Variants in LAMA2 observed in about 807,000 individuals in gnomAD.
LAMA2 encodes laminin subunit alpha-2.
Under a neutral mutation model 364.8 loss-of-function variants are expected in LAMA2, and 269 were observed. The observed-to-expected ratio is 0.74, with a 90% CI of 0.67 to 0.82. The LOEUF (loss-of-function observed/expected upper bound fraction) is 0.82, where lower values mean the gene tolerates loss of function less well. LAMA2 is among the 40% of genes least tolerant of loss of function. LAMA2 has a pLI of 0.00. For missense variants in LAMA2, 3,807 were observed against 3,873.2 expected (o/e 0.98, Z 0.45); for synonymous variants, 1,379 against 1,370.6 (o/e 1.01, Z -0.14).
intron 40 of LAMA2, among the ~76,000 whole-genome samples, chr6:129,407,007 G>A (rs1198547062): frequency 6.6e-6 from 1 of 152,142 alleles, no homozygotes; most frequent in Non-Finnish European, 1.5e-5. Context: ...TGATGTTCAA[G>A]GGCAGGAAGT....
At chr6:129,048,535 TCCTTCCTTTCTTTCTTTC>T (rs770012434) in intron 1 of LAMA2, among the ~76,000 whole-genome samples, 2 of 80,148 alleles carry the variant, frequency 2.5e-5, no homozygotes, top group Admixed American at 1.4e-4. Context: ...CTTCCTTCCT[TCCTTCCTTTCTTTCTTTC>T]TCTCTCTCTC....
chr6:129,503,268 C>T lies in LAMA2; in HGVS notation c.8535C>T (p.Gly2845=). The T allele has an allele frequency of 6.2e-7, 1 of 1,613,528 alleles. No homozygotes were observed. The change falls in exon 60 of 65, where the codon GGC becomes GGT. Residue 2845 remains glycine (G), a synonymous_variant. Coordinates refer to ENST00000421865, the MANE Select transcript of LAMA2 (RefSeq NM_000426.4). The stretch of plus-strand genomic sequence containing the variant: ...TGATCCCCACCAAAATCAATGATGG[C>T]CAGTGGCACAAGGTAATAGTCCCCT... ...HTMIPTKIND[G]QWHKIKIMRS... is the part of the protein sequence containing the mutation.
At chr6:128,889,911 C>A (rs1369290467) in intron 1 of LAMA2, among the ~76,000 whole-genome samples, 1 of 152,124 alleles carries the variant, frequency 6.6e-6, no homozygotes, top group East Asian at 1.9e-4. Flanking sequence ...TACAAAAGAT[C>A]ATTGAGGATT....
At chr6:128,900,864 C>A (rs1403971894) in intron 1 of LAMA2, among the ~76,000 whole-genome samples, 2 of 152,128 alleles carry the variant, frequency 1.3e-5, no homozygotes, top group African/African-American at 4.8e-5. Flanking sequence ...TCAAGAACAC[C>A]CTCCTGTCTA....
At chr6:129,465,322 C>T in intron 51 of LAMA2, 33 bp downstream of exon 51, 1 of 1,559,002 alleles carries the variant, frequency 6.4e-7, no homozygotes, top group Non-Finnish European at 8.8e-7. Flanking sequence ...CAATATAGGC[C>T]TTAATCATGA....
rs192273519 is a variant in LAMA2, at chr6:129,107,352, C to T, written c.639+8937C>T. 1.9e-3 allele frequency among the ~76,000 whole-genome samples: 294 copies of T among 152,206 alleles called. 1 individual carries two copies. The highest frequency in any genetic ancestry group is 6.6e-3 in the African/African-American group (276 of 41,522). On this transcript the variant is annotated intron_variant, in intron 4 of 64. Transcript: ENST00000421865. ...CTCAAGGTTCAGTAGCTAACATTGG[C>T]TTAAGCCCACTCCTAACTATGAAAT...
chr6:129,171,165 T>A, intron 9 of LAMA2, among the ~76,000 whole-genome samples: 1 of 151,802 alleles, frequency 6.6e-6, no homozygotes, highest in Non-Finnish European at 1.5e-5. Flanking sequence ...GAGCATTTAG[T>A]CCATTTACAT....
At chr6:129,029,464 A>G (rs976006817) in intron 1 of LAMA2, among the ~76,000 whole-genome samples, 1 of 152,072 alleles carries the variant, frequency 6.6e-6, no homozygotes, top group African/African-American at 2.4e-5. Context: ...AATATTATTC[A>G]AGTAAGAATG....
intron 1 of LAMA2, among the ~76,000 whole-genome samples, chr6:128,949,020 G>C (rs1780649579): frequency 6.6e-6 from 1 of 152,112 alleles, no homozygotes; most frequent in Admixed American, 6.5e-5. Flanking sequence ...TAGTCCATTA[G>C]TGCACATCCC....
chr6:129,190,017 G>T (rs189405216), intron 10 of LAMA2, among the ~76,000 whole-genome samples, 188 bp from the exon 11 acceptor site: 1 of 152,240 alleles, frequency 6.6e-6, no homozygotes, highest in Non-Finnish European at 1.5e-5. Context: ...TTTCTCACCA[G>T]TGTAATTAGA....
At chr6:129,432,212 T>C (rs532480080) in intron 41 of LAMA2, among the ~76,000 whole-genome samples, 23 of 152,308 alleles carry the variant, frequency 1.5e-4, no homozygotes, top group African/African-American at 5.5e-4. Flanking sequence ...GTGAAATTGC[T>C]GATCCCTCAT....
chr6:128,953,622 T>G (rs9492156), intron 1 of LAMA2, among the ~76,000 whole-genome samples: 1,585 of 119,134 alleles, frequency 0.013, 32 homozygotes, highest in African/African-American at 0.054. Context: ...TGTGTGTGTG[T>G]GTGAATGTAT....
intron 8 of LAMA2, among the ~76,000 whole-genome samples, chr6:129,154,891 A>C (rs2114976922): frequency 6.6e-6 from 1 of 152,348 alleles, no homozygotes; most frequent in South Asian, 2.1e-4. Flanking sequence ...AAGTTTTATC[A>C]TGGCTCCTTC....
chr6:129,050,574 G>A (rs1787929970), intron 2 of LAMA2, among the ~76,000 whole-genome samples: 1 of 152,200 alleles, frequency 6.6e-6, no homozygotes, highest in African/African-American at 2.4e-5. Context: ...TTGCCAGAAG[G>A]AGCGATATCC....
At chr6:129,154,715 A>G in intron 8 of LAMA2, 32 bp downstream of exon 8, 1 of 1,584,998 alleles carries the variant, frequency 6.3e-7, no homozygotes. Flanking sequence ...ATAAAGAGTT[A>G]TTTTTTTGCT....
At chr6:128,892,910 T>C (rs1312143846) in intron 1 of LAMA2, among the ~76,000 whole-genome samples, 1 of 151,854 alleles carries the variant, frequency 6.6e-6, no homozygotes, top group Non-Finnish European at 1.5e-5. Flanking sequence ...CTCTAACAAA[T>C]CTCTAGAGAA....
chr6:129,051,705 G>T (rs1031781728), intron 2 of LAMA2, among the ~76,000 whole-genome samples: 2 of 98,110 alleles, frequency 2.0e-5, no homozygotes, highest in Admixed American at 1.2e-4. Flanking sequence ...TCGATCTATA[G>T]ATATCTATAT....
At chr6:128,918,746 G>T (rs114146718) in intron 1 of LAMA2, among the ~76,000 whole-genome samples, 3 of 152,042 alleles carry the variant, frequency 2.0e-5, no homozygotes, top group African/African-American at 7.2e-5. Context: ...AGTTTCCTTA[G>T]GGCAAACAAT....
At chr6:129,037,059 C>T (rs1582914120) in intron 1 of LAMA2, among the ~76,000 whole-genome samples, 1 of 152,332 alleles carries the variant, frequency 6.6e-6, no homozygotes, top group South Asian at 2.1e-4. Flanking sequence ...AGTCAATTAT[C>T]TCCTTTTCTT....
Sources: gnomAD v4.1 joint callset for allele counts (sites outside exome capture counted in the v4.1 genomes callset) on GRCh38, gnomAD v4.1.1 for gene constraint, MANE v1.5 for transcripts, NCBI Gene and HGNC (gene_info 2026-07-23, HGNC 2026-07-21) for gene names.